The following ALPK1 variants were observed in gnomAD, a reference collection of about 807,000 sequenced individuals.
ALPK1 encodes the protein alpha kinase 1.
Under a neutral mutation model 120.6 loss-of-function variants are expected in ALPK1, and 110 were observed. The observed-to-expected ratio is 0.91, with a 90% CI of 0.78 to 1.07. The LOEUF is 1.07. ALPK1 is among the 50% of genes least tolerant of loss of function. The pLI, the probability that ALPK1 is intolerant of heterozygous loss-of-function variation, is 0.00. For missense variants in ALPK1, 1,498 were observed against 1,483.9 expected, an observed-to-expected ratio of 1.01 and a Z score of -0.16; for synonymous variants, 582 against 560.3, an observed-to-expected ratio of 1.04 and a Z score of -0.55.
At chr4:112,346,820 A>T (rs1730123998) in intron 2 of ALPK1, among the ~76,000 whole-genome samples, 2 of 152,278 alleles carry the variant, frequency 1.3e-5, no homozygotes. Flanking sequence ...GCTTCCTACC[A>T]GCAAAAATAA....
chr4:112,303,770 G>C (rs541297611), intron 1 of ALPK1, among the ~76,000 whole-genome samples: 1 of 151,064 alleles, frequency 6.6e-6, no homozygotes, highest in Non-Finnish European at 1.5e-5. Context: ...CAACATGCAG[G>C]TTTGTTTCTA....
chr4:112,433,163 G>A (rs1269490007), intron 11 of ALPK1, among the ~76,000 whole-genome samples: 1 of 152,174 alleles, frequency 6.6e-6, no homozygotes, highest in African/African-American at 2.4e-5. Flanking sequence ...GGTTGGTCAA[G>A]TGCATCCTCA....
In ALPK1 at chr4:112,375,097, G is replaced by A. The variant is rs564263145; in HGVS notation, c.-100-2581G>A. 4.6e-5 allele frequency among the ~76,000 whole-genome samples: 7 copies of A among 152,176 alleles called. No individual in the cohort carries two copies. The East Asian group carries it at 7.7e-4, about 17-fold the overall frequency. On this transcript the variant is annotated intron_variant, in intron 2 of 15. Coordinates refer to ENST00000650871, the MANE Select transcript of ALPK1 (RefSeq NM_025144.4). The stretch of plus-strand genomic sequence containing the variant: ...CCCTCTAGATATGAAAGTCCTAGAC[G>A]GTATCTTCTTCCACTACAAGGCTGT...
At chr4:112,421,344 G>T (rs1442439601) in intron 5 of ALPK1, among the ~76,000 whole-genome samples, 1 of 152,014 alleles carries the variant, frequency 6.6e-6, no homozygotes, top group Non-Finnish European at 1.5e-5. Context: ...CAAACCAAAG[G>T]GATACAGGAC....
At chr4:112,356,572 C>A in intron 2 of ALPK1, 1 of 800,634 alleles carries the variant, frequency 1.2e-6, no homozygotes. Context: ...TGCATCCACC[C>A]TGAGGTGAAG....
At chr4:112,312,047 A>G (rs909544613) in intron 1 of ALPK1, among the ~76,000 whole-genome samples, 7 of 152,194 alleles carry the variant, frequency 4.6e-5, no homozygotes, top group Admixed American at 4.6e-4. Flanking sequence ...AGACTGGTCA[A>G]TTGTAGTCAG....
chr4:112,379,231 C>A (rs1317834636), intron 3 of ALPK1, among the ~76,000 whole-genome samples: 7 of 152,172 alleles, frequency 4.6e-5, no homozygotes, highest in African/African-American at 1.7e-4. Flanking sequence ...TTTTCTTTTT[C>A]TTCACGAGTG....
At chr4:112,421,236 T>C (rs193124366) in intron 5 of ALPK1, among the ~76,000 whole-genome samples, 176 of 152,304 alleles carry the variant, frequency 1.2e-3, no homozygotes, top group African/African-American at 4.0e-3. Context: ...CCTTCTTAAA[T>C]CAAGCTGATA....
intron 5 of ALPK1, chr4:112,414,908 T>C (rs1476430902): frequency 6.6e-6 from 1 of 152,350 alleles, no homozygotes; most frequent in Non-Finnish European, 1.5e-5. Context: ...GAAGGGGCTG[T>C]CATTTTAATC....
chr4:112,411,319 G>A (rs1733446610), intron 4 of ALPK1, among the ~76,000 whole-genome samples: 1 of 152,152 alleles, frequency 6.6e-6, no homozygotes, highest in Admixed American at 6.5e-5. Flanking sequence ...CCGCCTCCTG[G>A]GTTCAAGTGA....
Position 112,431,563 on chromosome 4 carries a change from A to G in ALPK1, c.2016A>G (p.Thr672=). 1 of 1,614,022 alleles carries G rather than the reference A, an allele frequency of 6.2e-7. No homozygotes were observed. Among genetic ancestry groups the G allele is most frequent in the Non-Finnish European group, 8.5e-7 (1 of 1,180,004 alleles). The stretch of plus-strand genomic sequence containing the variant: ...AGCCACAGCAACAGATGCCCTTGAC[A>G]CCCTTCTCGCCTCATAATACCCCAG... ...QNQPQQQMPL[T]PFSPHNTPGI... The change falls in exon 11 of 16, where the codon ACA becomes ACG. Residue 672 remains threonine (T), a synonymous_variant. Coordinates refer to ENST00000650871, the MANE Select transcript of ALPK1 (RefSeq NM_025144.4).
At chr4:112,331,830 A>T (rs540076908) in intron 2 of ALPK1, among the ~76,000 whole-genome samples, 22 of 152,342 alleles carry the variant, frequency 1.4e-4, no homozygotes, top group Non-Finnish European at 2.4e-4. Flanking sequence ...CAACTTGATT[A>T]TGGAGAGCTG....
At chr4:112,373,253 A>G (rs1394748552) in intron 2 of ALPK1, among the ~76,000 whole-genome samples, 1 of 152,180 alleles carries the variant, frequency 6.6e-6, no homozygotes, top group African/African-American at 2.4e-5. Context: ...TAGCCCACTA[A>G]TTAGCTCTTT....
intron 2 of ALPK1, among the ~76,000 whole-genome samples, chr4:112,323,166 C>T (rs531075934): frequency 6.6e-6 from 1 of 152,380 alleles, no homozygotes; most frequent in South Asian, 2.1e-4. Flanking sequence ...ACCCCTTTCA[C>T]TTCCACTGTC....
chr4:112,303,954 G>T (rs1250351022), intron 1 of ALPK1, among the ~76,000 whole-genome samples: 1 of 151,906 alleles, frequency 6.6e-6, no homozygotes, highest in African/African-American at 2.4e-5. Context: ...CTGTGTCCAA[G>T]TGTTCTCATT....
intron 2 of ALPK1, among the ~76,000 whole-genome samples, chr4:112,326,880 G>A (rs1247989113): frequency 6.6e-6 from 1 of 152,202 alleles, no homozygotes; most frequent in East Asian, 1.9e-4. Flanking sequence ...TAAGCTCCAG[G>A]AAGAGGAAGA....
intron 2 of ALPK1, chr4:112,358,613 G>A (rs1019493695): frequency 1.5e-5 from 11 of 723,594 alleles, no homozygotes; most frequent in African/African-American, 7.0e-5. Context: ...GGAGCACAGC[G>A]AACAGTGGGC....
chr4:112,312,906 G>A (rs4834257), intron 1 of ALPK1, among the ~76,000 whole-genome samples: 12,542 of 152,280 alleles, frequency 0.082, 813 homozygotes, highest in Admixed American at 0.21. Context: ...AAACCAAGCA[G>A]TTCCTTCCAG....
At position 112,361,917 on chromosome 4, in the gene ALPK1, C is replaced by A. The variant is rs181483360; in HGVS notation, c.-100-15761C>A. On this transcript the variant is annotated intron_variant, in intron 2 of 15. Transcript: ENST00000650871. ...GAAGATGGATCACATCACAGGACTCCGTGCAGACACTCCCCAGTACCAACC... is the reference window on the plus strand; with the variant it reads ...GAAGATGGATCACATCACAGGACTCAGTGCAGACACTCCCCAGTACCAACC... Among the ~76,000 whole-genome samples the A allele has an allele frequency of 7.5e-4, 114 of 152,356 alleles. 1 individual carries two copies. The highest frequency in any genetic ancestry group is 2.5e-3 in the African/African-American group (105 of 41,578).
Sources: allele counts gnomAD v4.1 joint callset (sites outside exome capture counted in the v4.1 genomes callset), GRCh38; gene constraint gnomAD v4.1.1; transcripts MANE v1.5; gene names NCBI Gene and HGNC (gene_info 2026-07-23, HGNC 2026-07-21).